Variants in SNX9 observed in about 807,000 individuals in gnomAD.
The protein encoded by SNX9 is sorting nexin 9, also known as sorting nexin-9.
Under a neutral mutation model 89.4 loss-of-function variants are expected in SNX9, and 44 were observed. That is an observed-to-expected ratio of 0.49 (90% CI 0.39 to 0.63). The LOEUF (loss-of-function observed/expected upper bound fraction) is 0.63. Among genes scored for constraint, SNX9 ranks in the 30% least tolerant of loss-of-function variants. The pLI is 0.00. For missense variants in SNX9, 578 were observed against 736.1 expected (o/e 0.79, Z 2.49); for synonymous variants, 236 against 247.8 (o/e 0.95, Z 0.45).
chr6:157,849,744 A>G (rs1375232727), intron 1 of SNX9, among the ~76,000 whole-genome samples: 1 of 152,152 alleles, frequency 6.6e-6, no homozygotes, highest in East Asian at 1.9e-4. Context: ...GTGAGTGGAT[A>G]GGAGAAGTTC....
At position 157,823,505 on chromosome 6, in the gene SNX9, G is replaced by A; in HGVS notation, c.12+59G>A. On this transcript the variant is annotated intron_variant, in intron 1 of 17. Transcript: ENST00000392185. This position sits in a 1 kb window ranked among gnomAD's most constrained non-coding sequence, Gnocchi z 4.6. ...CTCAGGCCCGGGGCGGCGCGGAGAG[G>A]GTCGGGGCCGGGGCCGCGGGGAGGG... The A allele has an allele frequency of 8.6e-7, 1 of 1,162,308 alleles. No individual in the cohort carries two copies. The highest frequency in any genetic ancestry group is 1.1e-6 in the Non-Finnish European group (1 of 943,470). 72.0% of individuals were successfully genotyped at this position (1,162,308 alleles called of 1,614,324 possible).
At chr6:157,889,706 G>A (rs921655457) in intron 4 of SNX9, among the ~76,000 whole-genome samples, 3 of 152,274 alleles carry the variant, frequency 2.0e-5, no homozygotes, top group African/African-American at 7.2e-5. Flanking sequence ...TCAATTAAAA[G>A]TCTCTATTAA....
At chr6:157,834,425 C>A (rs1346377536) in intron 1 of SNX9, among the ~76,000 whole-genome samples, 1 of 150,926 alleles carries the variant, frequency 6.6e-6, no homozygotes, top group African/African-American at 2.4e-5. Flanking sequence ...TAACTCACTG[C>A]AGCCTTGAAC....
intron 13 of SNX9, 72 bp from the exon 14 acceptor site, chr6:157,935,892 A>G (rs578001865): frequency 9.3e-7 from 1 of 1,072,216 alleles, no homozygotes; most frequent in South Asian, 1.8e-5. Context: ...AATAAAATCA[A>G]TAATAAAATT....
In SNX9 at chr6:157,849,950, C is replaced by T. The variant is rs187052603; in HGVS notation, c.13-17597C>T. On this transcript the variant is annotated intron_variant, in intron 1 of 17. Transcript: ENST00000392185. ...TCATCAGTATAAAGATGGCAGGTGA[C>T]GTTGTCAGAGTGGATGTTACCCAGG... Among the ~76,000 whole-genome samples, 6 of 152,230 alleles carry T rather than the reference C, an allele frequency of 3.9e-5. No homozygotes were observed. In the East Asian group the frequency reaches 7.7e-4, roughly 20 times the overall value.
At chr6:157,926,352 T>A (rs1280249176) in intron 10 of SNX9, among the ~76,000 whole-genome samples, 1 of 152,188 alleles carries the variant, frequency 6.6e-6, no homozygotes, top group Non-Finnish European at 1.5e-5. Context: ...ATATTTTTGA[T>A]TTGGGTACTC....
intron 4 of SNX9, among the ~76,000 whole-genome samples, chr6:157,877,094 G>A (rs2115144292): frequency 6.6e-6 from 1 of 152,326 alleles, no homozygotes; most frequent in South Asian, 2.1e-4. Flanking sequence ...TCTAGGGACT[G>A]ACCAGCTATT....
chr6:157,874,991 G>C, intron 3 of SNX9, 60 bp from the exon 4 acceptor site: 1 of 1,554,364 alleles, frequency 6.4e-7, no homozygotes, highest in South Asian at 1.2e-5. Context: ...GCTTGCCCTC[G>C]AAGACTCCCT....
intron 2 of SNX9, among the ~76,000 whole-genome samples, chr6:157,869,045 T>C (rs923991098): frequency 2.6e-5 from 4 of 152,264 alleles, no homozygotes; most frequent in Non-Finnish European, 5.9e-5. Flanking sequence ...GCCCTTGCCC[T>C]GTGCTCCTTG....
At chr6:157,882,474 C>G (rs1263213440) in intron 4 of SNX9, among the ~76,000 whole-genome samples, 6 of 152,174 alleles carry the variant, frequency 3.9e-5, no homozygotes, top group Non-Finnish European at 8.8e-5. Flanking sequence ...ATACATTTCG[C>G]AAGGCTATGG....
chr6:157,878,430 CA>C (rs368324154), intron 4 of SNX9, among the ~76,000 whole-genome samples: 2,030 of 146,884 alleles, frequency 0.014, 65 homozygotes, highest in African/African-American at 0.047. Context: ...GGAAGCCCAC[CA>C]TTTTTTTTTT....
intron 4 of SNX9, among the ~76,000 whole-genome samples, chr6:157,893,299 C>G (rs78301969): frequency 0.052 from 7,861 of 152,242 alleles, 260 homozygotes; most frequent in South Asian, 0.1. Context: ...TGAGAAGTCA[C>G]AGTCTTGTGG....
chr6:157,840,807 G>A (rs574265071), intron 1 of SNX9, among the ~76,000 whole-genome samples: 4 of 152,204 alleles, frequency 2.6e-5, no homozygotes, highest in East Asian at 1.9e-4. Context: ...TTTTGCATTC[G>A]AGATTTTGTC....
At chr6:157,923,892 C>T (rs1470035009) in intron 10 of SNX9, among the ~76,000 whole-genome samples, 3 of 152,210 alleles carry the variant, frequency 2.0e-5, no homozygotes, top group Admixed American at 2.0e-4. Flanking sequence ...CTCGCTACCT[C>T]ACTACAATCT....
chr6:157,896,889 C>T lies in SNX9; in HGVS notation c.363C>T (p.Ser121=). 2 of 1,613,638 alleles carry T rather than the reference C, an allele frequency of 1.2e-6. No homozygotes were observed. Among genetic ancestry groups the T allele is most frequent in the Non-Finnish European group, 1.7e-6 (2 of 1,179,854 alleles). The change falls in exon 5 of 18, where the codon AGC becomes AGT. Residue 121 remains serine, a synonymous_variant. Coordinates refer to ENST00000392185, the MANE Select transcript of SNX9 (RefSeq NM_016224.5). ...WSASKSGNWE[S]SEGWGAQPEG... ...CCTCCAAATCTGGGAACTGGGAAAG[C>T]TCAGAAGGCTGGGGGGCCCAGCCAG...
chr6:157,903,186 A>G (rs1054347073), intron 6 of SNX9, among the ~76,000 whole-genome samples: 9 of 150,868 alleles, frequency 6.0e-5, no homozygotes, highest in African/African-American at 2.0e-4. Context: ...TGAAATTACT[A>G]ATACTTTTTC....
In SNX9 at chr6:157,932,048, C is replaced by T. The variant is rs566819361; in HGVS notation, c.1289-147C>T. The T allele has an allele frequency of 8.3e-5, 53 of 635,434 alleles. 1 individual carries two copies. In the South Asian group the frequency reaches 1.1e-3, roughly 13 times the overall value. The allele number at this position is 635,434 out of a possible 1,614,324, so 39.4% of individuals were successfully genotyped here. On this transcript the variant is annotated intron_variant, in intron 12 of 17. Transcript: ENST00000392185. Reference sequence around the variant, plus strand: ...AATCGAAAGAAATCAATTGAAAAAACAATCACTTTTGCAACAGTATTTTGT... The same window carrying T: ...AATCGAAAGAAATCAATTGAAAAAATAATCACTTTTGCAACAGTATTTTGT...
At chr6:157,860,596 A>G (rs181298688) in intron 1 of SNX9, among the ~76,000 whole-genome samples, 3 of 152,258 alleles carry the variant, frequency 2.0e-5, no homozygotes, top group Non-Finnish European at 2.9e-5. Context: ...ATCTTTGTCT[A>G]ATTGTTCTTG....
chr6:157,845,786 G>A (rs1263501067), intron 1 of SNX9, among the ~76,000 whole-genome samples: 1 of 152,214 alleles, frequency 6.6e-6, no homozygotes, highest in Non-Finnish European at 1.5e-5. Flanking sequence ...GGTTCCTGTG[G>A]TTGCTTAGGT....
Sources: allele counts gnomAD v4.1 joint callset (sites outside exome capture counted in the v4.1 genomes callset), GRCh38; gene constraint gnomAD v4.1.1; non-coding constraint Gnocchi (gnomAD v3.1); transcripts MANE v1.5; gene names NCBI Gene and HGNC (gene_info 2026-07-23, HGNC 2026-07-21).